ULK4: variants seen among roughly 807,000 people sequenced by gnomAD.
ULK4 encodes unc-51 like kinase 4.
A neutral mutation model predicts 160.6 loss-of-function variants in ULK4; 133 were observed. That is an observed-to-expected ratio of 0.83 (90% CI 0.72 to 0.96). The LOEUF (loss-of-function observed/expected upper bound fraction) is 0.96, where lower values mean the gene tolerates loss of function less well. Among genes scored for constraint, ULK4 ranks in the 40% least tolerant of loss-of-function variants. The pLI is 0.00. For synonymous variants in ULK4, 534 were observed against 539.8 expected (o/e 0.99, Z 0.15); for missense variants, 1,580 against 1,499.5 (o/e 1.05, Z -0.89).
intron 34 of ULK4, among the ~76,000 whole-genome samples, chr3:41,444,775 T>C (rs993808260): frequency 2.0e-5 from 3 of 152,106 alleles, no homozygotes; most frequent in Non-Finnish European, 2.9e-5. Context: ...GTCAGGAGTT[T>C]GAGATCAACC....
intron 35 of ULK4, among the ~76,000 whole-genome samples, chr3:41,255,037 G>A (rs2125671351): frequency 6.9e-6 from 1 of 144,602 alleles, no homozygotes; most frequent in Middle Eastern, 3.4e-3. Context: ...TTTACCAAAT[G>A]CTCCAAGTAA....
chr3:41,562,403 T>C (rs2125596260), intron 32 of ULK4, among the ~76,000 whole-genome samples: 1 of 152,324 alleles, frequency 6.6e-6, no homozygotes, highest in South Asian at 2.1e-4. Flanking sequence ...TGAGTTCAAG[T>C]CCTGGATATC....
intron 32 of ULK4, among the ~76,000 whole-genome samples, chr3:41,505,361 T>C (rs2085340737): frequency 6.6e-6 from 1 of 152,142 alleles, no homozygotes; most frequent in South Asian, 2.1e-4. Flanking sequence ...GTACTATATA[T>C]AACCAGAATC....
intron 22 of ULK4, among the ~76,000 whole-genome samples, chr3:41,753,030 C>G (rs974297134): frequency 6.6e-6 from 1 of 152,118 alleles, no homozygotes; most frequent in Non-Finnish European, 1.5e-5. Flanking sequence ...CTGGACAACA[C>G]AGTGAGACCC....
At chr3:41,420,980 G>A (rs2082651320) in intron 34 of ULK4, among the ~76,000 whole-genome samples, 1 of 151,966 alleles carries the variant, frequency 6.6e-6, no homozygotes, top group Non-Finnish European at 1.5e-5. Context: ...TGGGCATGGT[G>A]GTGCATGGCT....
At position 41,812,222 on chromosome 3, in the gene ULK4, C is replaced by T. The variant is rs558734781; in HGVS notation, c.1848+7201G>A. Among the ~76,000 whole-genome samples, 68 of 152,266 alleles carry T rather than the reference C, an allele frequency of 4.5e-4. No individual in the cohort carries two copies. In the South Asian group the frequency reaches 0.013, roughly 30 times the overall value. ...ATTACTTCAGCCCAGGAGGTCGAGG[C>T]TGCAGTGAACAGTGATCACACCACT... On this transcript the variant is annotated intron_variant, in intron 19 of 36. Coordinates refer to ENST00000301831, the MANE Select transcript of ULK4 (RefSeq NM_017886.4).
chr3:41,707,125 A>G (rs564232330), intron 25 of ULK4, among the ~76,000 whole-genome samples: 3 of 152,258 alleles, frequency 2.0e-5, no homozygotes, highest in African/African-American at 7.2e-5. Flanking sequence ...TTTAACACAT[A>G]TACATGTGTC....
At chr3:41,880,471 T>C (rs1187172424) in intron 17 of ULK4, among the ~76,000 whole-genome samples, 1 of 152,250 alleles carries the variant, frequency 6.6e-6, no homozygotes, top group Admixed American at 6.5e-5. Context: ...CCATTTTTTC[T>C]GTCTCTTTAT....
At chr3:41,931,787 G>A (rs1370631889) in intron 5 of ULK4, 57 bp downstream of exon 5, 2 of 1,585,982 alleles carry the variant, frequency 1.3e-6, no homozygotes, top group Non-Finnish European at 1.7e-6. Flanking sequence ...CCTAAACACA[G>A]GACTTGGATG....
intron 19 of ULK4, among the ~76,000 whole-genome samples, chr3:41,809,404 G>A (rs908950701): frequency 1.9e-4 from 29 of 151,974 alleles, no homozygotes; most frequent in African/African-American, 6.3e-4. Context: ...ACCTTGAAGC[G>A]CTTAGAGGAA....
At chr3:41,592,199 G>A (rs899019843) in intron 31 of ULK4, among the ~76,000 whole-genome samples, 13 of 152,198 alleles carry the variant, frequency 8.5e-5, no homozygotes, top group African/African-American at 2.9e-4. Flanking sequence ...TGGGGAACCT[G>A]AAGGTCTAAA....
At chr3:41,715,091 C>T (rs1297092922) in intron 25 of ULK4, 146 bp downstream of exon 25, 1 of 766,640 alleles carries the variant, frequency 1.3e-6, no homozygotes, top group African/African-American at 1.8e-5. Context: ...TTACAGTCAA[C>T]AGATAAAAAT....
chr3:41,946,779 T>C (rs1308143143), intron 2 of ULK4, among the ~76,000 whole-genome samples: 2 of 152,146 alleles, frequency 1.3e-5, no homozygotes, highest in Admixed American at 6.5e-5. Context: ...GCCAAGAGAT[T>C]TAATTGGGTT....
At chr3:41,318,396 T>C (rs978682188) in intron 35 of ULK4, among the ~76,000 whole-genome samples, 1 of 152,136 alleles carries the variant, frequency 6.6e-6, no homozygotes, top group Non-Finnish European at 1.5e-5. Context: ...AAATATATAA[T>C]TAGATTTGGG....
At chr3:41,769,378 T>C (rs933923861) in intron 21 of ULK4, among the ~76,000 whole-genome samples, 4 of 152,176 alleles carry the variant, frequency 2.6e-5, no homozygotes, top group Admixed American at 6.5e-5. Flanking sequence ...GGCAAAGACT[T>C]AGTGCCAAAG....
At chr3:41,867,307 G>C (rs907466071) in intron 17 of ULK4, among the ~76,000 whole-genome samples, 1 of 152,212 alleles carries the variant, frequency 6.6e-6, no homozygotes, top group Non-Finnish European at 1.5e-5. Flanking sequence ...GCACTTACCG[G>C]AAATGCGAAT....
At chr3:41,407,163 A>C (rs1000606726) in intron 34 of ULK4, among the ~76,000 whole-genome samples, 1 of 152,206 alleles carries the variant, frequency 6.6e-6, no homozygotes, top group Admixed American at 6.5e-5. Flanking sequence ...TGGGTAGCAC[A>C]TTATCAATTA....
chr3:41,496,280 G>A (rs943314536), intron 32 of ULK4, among the ~76,000 whole-genome samples: 3 of 152,052 alleles, frequency 2.0e-5, no homozygotes, highest in South Asian at 2.1e-4. Flanking sequence ...GATATACAAC[G>A]ATTATGGTAC....
At chr3:41,286,323 T>C (rs545514393) in intron 35 of ULK4, among the ~76,000 whole-genome samples, 1 of 152,214 alleles carries the variant, frequency 6.6e-6, no homozygotes, top group Admixed American at 6.5e-5. Flanking sequence ...GAGAGACAGC[T>C]TTTTTTGGCC....
Sources: allele counts gnomAD v4.1 joint callset (sites outside exome capture counted in the v4.1 genomes callset), GRCh38; gene constraint gnomAD v4.1.1; transcripts MANE v1.5; gene names NCBI Gene and HGNC (gene_info 2026-07-23, HGNC 2026-07-21).